PTPRM: variants seen among roughly 807,000 people sequenced by gnomAD.
PTPRM encodes the protein protein tyrosine phosphatase receptor type M.
Under a neutral mutation model 186.7 loss-of-function variants are expected in PTPRM, and 47 were observed. The observed-to-expected ratio is 0.25, with a 90% CI of 0.20 to 0.32. The LOEUF (loss-of-function observed/expected upper bound fraction) is 0.32. Ranked by LOEUF, PTPRM falls within the 10% of genes least tolerant of loss-of-function variation. PTPRM has a pLI of 1.00. For synonymous variants in PTPRM, 668 were observed against 674.9 expected (o/e 0.99, Z 0.16); for missense variants, 1,494 against 1,865.0 (o/e 0.80, Z 3.66).
At chr18:8,071,844 C>T (rs1040129679) in intron 8 of PTPRM, among the ~76,000 whole-genome samples, 5 of 152,168 alleles carry the variant, frequency 3.3e-5, no homozygotes, top group African/African-American at 1.2e-4. Flanking sequence ...TCCCTCTGAC[C>T]TTAATTGTAC....
At chr18:8,063,320 GC>G (rs1300742366) in intron 7 of PTPRM, among the ~76,000 whole-genome samples, 1 of 150,490 alleles carries the variant, frequency 6.6e-6, no homozygotes, top group African/African-American at 2.5e-5. Flanking sequence ...TTCGGCTTGC[GC>G]ACACCCACTG....
chr18:7,625,895 A>C (rs1273456886), intron 1 of PTPRM, among the ~76,000 whole-genome samples: 1 of 152,182 alleles, frequency 6.6e-6, no homozygotes, highest in Non-Finnish European at 1.5e-5. Context: ...GCAAAGTTGC[A>C]GTGAGACCAG....
chr18:8,069,606 A>G, intron 7 of PTPRM, 80 bp from the exon 8 acceptor site: 1 of 1,276,636 alleles, frequency 7.8e-7, no homozygotes, highest in South Asian at 1.5e-5. Flanking sequence ...ACAACTGGGA[A>G]TATCTGTGAC....
intron 14 of PTPRM, among the ~76,000 whole-genome samples, chr18:8,157,791 G>A (rs1036335765): frequency 6.6e-6 from 1 of 152,196 alleles, no homozygotes; most frequent in Non-Finnish European, 1.5e-5. Flanking sequence ...GAGTGGGCAT[G>A]GCATTGGCAT....
chr18:8,235,476 T>TTTTTTTTTTTTTTG (rs1481569126), intron 14 of PTPRM, among the ~76,000 whole-genome samples: 66 of 136,768 alleles, frequency 4.8e-4, no homozygotes, highest in East Asian at 1.7e-3. Context: ...TTTTTTTTTT[T>TTTTTTTTTTTTTTG]TTTAGCCTGG....
chr18:8,100,176 T>C (rs1398758771), intron 11 of PTPRM, among the ~76,000 whole-genome samples: 1 of 152,062 alleles, frequency 6.6e-6, no homozygotes, highest in Non-Finnish European at 1.5e-5. Flanking sequence ...TCTTACTCTG[T>C]CACCCAGGCT....
chr18:8,094,239 G>A (rs1283292334), intron 11 of PTPRM, among the ~76,000 whole-genome samples: 1 of 152,120 alleles, frequency 6.6e-6, no homozygotes, highest in Non-Finnish European at 1.5e-5. Context: ...CAGGTGCAGT[G>A]GCCCATGACT....
chr18:7,573,568 T>TTTTTG (rs367999305), intron 1 of PTPRM, among the ~76,000 whole-genome samples: 4,749 of 151,070 alleles, frequency 0.031, 240 homozygotes, highest in African/African-American at 0.1. Flanking sequence ...AAAGAGGAGG[T>TTTTTG]TTTTGTTTTG....
chr18:7,637,490 G>T lies in PTPRM; in HGVS notation c.73+69599G>T, dbSNP rs200402737. Among the ~76,000 whole-genome samples the T allele has an allele frequency of 1.3e-4, 20 of 152,138 alleles. No individual in the cohort carries two copies. In the East Asian group the frequency reaches 2.3e-3, roughly 18 times the overall value. Reference sequence around the variant, plus strand: ...ACTGCCTCTTACCCACTAGCATTGGGGCCACCTCATTCATTTGTTTGCTCA... The same window carrying T: ...ACTGCCTCTTACCCACTAGCATTGGTGCCACCTCATTCATTTGTTTGCTCA... On this transcript the variant is annotated intron_variant, in intron 1 of 32. Transcript: ENST00000580170.
At chr18:8,277,156 C>T (rs866454624) in intron 19 of PTPRM, among the ~76,000 whole-genome samples, 1 of 152,062 alleles carries the variant, frequency 6.6e-6, no homozygotes, top group Non-Finnish European at 1.5e-5. Context: ...AGGCTGGTCT[C>T]GAACTCCTGG....
intron 13 of PTPRM, among the ~76,000 whole-genome samples, chr18:8,119,928 C>CT (rs1460416128): frequency 2.0e-5 from 3 of 152,040 alleles, no homozygotes; most frequent in Non-Finnish European, 4.4e-5. Context: ...AATCCTTTAT[C>CT]TTTTTTCATT....
chr18:7,884,331 G>C (rs2048658520), intron 2 of PTPRM, among the ~76,000 whole-genome samples: 1 of 152,158 alleles, frequency 6.6e-6, no homozygotes, highest in Non-Finnish European at 1.5e-5. Flanking sequence ...GGAGACTGTA[G>C]AGGAAGGGAA....
chr18:7,674,177 C>T (rs1027804947), intron 1 of PTPRM, among the ~76,000 whole-genome samples: 1 of 152,106 alleles, frequency 6.6e-6, no homozygotes. Context: ...TTAAAAAAAA[C>T]ACTGATGGTG....
At chr18:8,164,974 C>T (rs1397052778) in intron 14 of PTPRM, among the ~76,000 whole-genome samples, 5 of 151,840 alleles carry the variant, frequency 3.3e-5, no homozygotes, top group African/African-American at 1.2e-4. Context: ...ACCATCCTGG[C>T]CATCCTGGTT....
intron 14 of PTPRM, among the ~76,000 whole-genome samples, chr18:8,223,133 A>G (rs893407660): frequency 6.6e-6 from 1 of 152,156 alleles, no homozygotes; most frequent in African/African-American, 2.4e-5. Context: ...CTTAGGCAGG[A>G]TAATTGCTTG....
At chr18:7,649,368 T>A (rs1327152814) in intron 1 of PTPRM, among the ~76,000 whole-genome samples, 1 of 152,202 alleles carries the variant, frequency 6.6e-6, no homozygotes, top group African/African-American at 2.4e-5. Context: ...AATTTGTACT[T>A]CCAAGTCTTA....
intron 2 of PTPRM, among the ~76,000 whole-genome samples, chr18:7,809,294 A>C (rs2044387525): frequency 6.6e-6 from 1 of 152,164 alleles, no homozygotes; most frequent in African/African-American, 2.4e-5. Context: ...TCCATCTGCA[A>C]ATAACAGCAC....
chr18:8,056,895 C>T (rs185899281), intron 7 of PTPRM, among the ~76,000 whole-genome samples: 180 of 151,854 alleles, frequency 1.2e-3, no homozygotes, highest in African/African-American at 4.0e-3. Context: ...GCCAGGAGGG[C>T]GTATAGACAA....
At chr18:7,692,527 TA>T (rs1384106968) in intron 1 of PTPRM, among the ~76,000 whole-genome samples, 6 of 152,206 alleles carry the variant, frequency 3.9e-5, no homozygotes, top group African/African-American at 7.2e-5. Context: ...TTAATGGGAT[TA>T]AAAAATGTAT....
Sources: gnomAD v4.1 joint callset for allele counts (sites outside exome capture counted in the v4.1 genomes callset) on GRCh38, gnomAD v4.1.1 for gene constraint, MANE v1.5 for transcripts, NCBI Gene and HGNC (gene_info 2026-07-23, HGNC 2026-07-21) for gene names.